The following P2RX1 variants were observed in gnomAD, a reference collection of about 807,000 sequenced individuals.
The protein encoded by P2RX1 is purinergic receptor P2X 1.
A neutral mutation model predicts 50.3 loss-of-function variants in P2RX1; 42 were observed. The ratio of observed to expected loss-of-function variants is 0.83; its 90% CI spans 0.65 to 1.08. The LOEUF is 1.08. Ranked by LOEUF, P2RX1 falls within the 50% of genes least tolerant of loss-of-function variation. The pLI is 0.00. For synonymous variants in P2RX1, 199 were observed against 202.6 expected, an observed-to-expected ratio of 0.98 and a Z score of 0.15; for missense variants, 449 against 529.0, an observed-to-expected ratio of 0.85 and a Z score of 1.48.
At chr17:3,908,758 C>T (rs555090591) in intron 1 of P2RX1, among the ~76,000 whole-genome samples, 1 of 152,282 alleles carries the variant, frequency 6.6e-6, no homozygotes, top group Non-Finnish European at 1.5e-5. Context: ...TCAGCAATCC[C>T]CCATCCTGGG....
chr17:3,901,050 T>C (rs545130335), intron 7 of P2RX1, among the ~76,000 whole-genome samples: 9 of 152,096 alleles, frequency 5.9e-5, no homozygotes, highest in African/African-American at 2.2e-4. Flanking sequence ...AGTTCCCAGT[T>C]GAAGATGGCA....
intron 7 of P2RX1, among the ~76,000 whole-genome samples, chr17:3,902,884 T>G (rs2056177119): frequency 6.6e-6 from 1 of 151,746 alleles, no homozygotes; most frequent in South Asian, 2.1e-4. Flanking sequence ...GCTGGGATTA[T>G]AGGCACGACC....
At chr17:3,905,018 C>G (rs1372631206) in intron 2 of P2RX1, 89 bp from the exon 3 acceptor site, 7 of 1,168,806 alleles carry the variant, frequency 6.0e-6, no homozygotes, top group Non-Finnish European at 1.2e-6. Context: ...GCAGAGGCCC[C>G]TAGAGCCCAC....
rs1056057018 is a variant in P2RX1 at position 3,903,109 on chromosome 17, G to A, written c.747+93C>T. 5.7e-5 allele frequency: 89 copies of A among 1,564,108 alleles called. 1 individual carries two copies. Among genetic ancestry groups the A allele is most frequent in the South Asian group, 1.7e-4 (15 of 88,764 alleles). On this transcript the variant is annotated intron_variant, in intron 7 of 11. Transcript: ENST00000225538. This position sits in a 1 kb window ranked among gnomAD's most constrained non-coding sequence, Gnocchi z 4.6. The stretch of plus-strand genomic sequence containing the variant: ...CCCATACATATACTCAGCCCTCACC[G>A]AGGAGACTTGGGAAGATGAACTGGG...
At position 3,903,507 on chromosome 17, in the gene P2RX1, G is replaced by GC; in HGVS notation, c.605+43dup. The GC allele has an allele frequency of 1.2e-6, 2 of 1,601,814 alleles. No homozygotes were observed. The highest frequency in any genetic ancestry group is 2.2e-5 in the South Asian group (2 of 90,778). On this transcript the variant is annotated intron_variant, in intron 6 of 11. Coordinates refer to ENST00000225538, the MANE Select transcript of P2RX1 (RefSeq NM_002558.4). The surrounding 1 kb of genome is among the most constrained non-coding windows in gnomAD (Gnocchi z 4.6). ...GAGACAGCTGAGAGCTGCCGGAGCGGCCCCGGCCAGCTGCCTGCATTTCTG... is the reference window on the plus strand; with the variant it reads ...GAGACAGCTGAGAGCTGCCGGAGCGGCCCCCGGCCAGCTGCCTGCATTTCTG...
Position 3,916,315 on chromosome 17 carries a change from G to T in P2RX1, c.-90C>A. On this transcript the variant is annotated 5_prime_UTR_variant, in exon 1 of 12. Coordinates refer to ENST00000225538, the MANE Select transcript of P2RX1 (RefSeq NM_002558.4). The stretch of plus-strand genomic sequence containing the variant: ...TGCCACCACCCACGTCGATGGTAGA[G>T]CTTCTGGGGGCTTCCTGGCCCCTTA... 7.1e-7 allele frequency: 1 copy of T among 1,417,182 alleles called. No homozygotes were observed. Among genetic ancestry groups the T allele is most frequent in the Non-Finnish European group, 9.7e-7 (1 of 1,026,762 alleles). The allele number at this position is 1,417,182 out of a possible 1,614,324, so 87.8% of individuals were successfully genotyped here.
intron 1 of P2RX1, among the ~76,000 whole-genome samples, chr17:3,915,057 G>C (rs146965668): frequency 2.5e-3 from 377 of 152,246 alleles, no homozygotes; most frequent in African/African-American, 8.7e-3. Flanking sequence ...TAGCAGTTCT[G>C]GTTCGGAACC....
Position 3,916,165 on chromosome 17 carries a change from T to C in P2RX1, c.61A>G (p.Met21Val), listed in dbSNP as rs772810160. 6.8e-6 allele frequency: 11 copies of C among 1,613,296 alleles called. No homozygotes were observed. The highest frequency in any genetic ancestry group is 9.3e-6 in the Non-Finnish European group (11 of 1,179,994). ...AFLFEYDTPR[M>V]VLVRNKKVGV... is the part of the protein sequence containing the mutation. ...ACCTTCTTATTACGCACCAGCACCATGCGGGGGGTGTCATACTCGAAGAGG... is the reference window on the plus strand; with the variant it reads ...ACCTTCTTATTACGCACCAGCACCACGCGGGGGGTGTCATACTCGAAGAGG... The change falls in exon 1 of 12, where the codon ATG becomes GTG. Residue 21 changes from methionine (M) to valine (V), a missense_variant. Physicochemically the swap from Met to Val is conservative, Grantham distance 21 (BLOSUM62 1). Transcript: ENST00000225538.
chr17:3,903,497 T>C lies in P2RX1; in HGVS notation c.605+54A>G. 2.5e-6 allele frequency: 4 copies of C among 1,597,934 alleles called. No individual in the cohort carries two copies. Among genetic ancestry groups the C allele is most frequent in the African/African-American group, 1.3e-5 (1 of 74,752 alleles). On this transcript the variant is annotated intron_variant, in intron 6 of 11. Coordinates refer to ENST00000225538, the MANE Select transcript of P2RX1 (RefSeq NM_002558.4). This position sits in a 1 kb window ranked among gnomAD's most constrained non-coding sequence, Gnocchi z 4.6. Reference sequence around the variant, plus strand: ...GAGGGAGACAGAGACAGCTGAGAGCTGCCGGAGCGGCCCCGGCCAGCTGCC... The same window carrying C: ...GAGGGAGACAGAGACAGCTGAGAGCCGCCGGAGCGGCCCCGGCCAGCTGCC...
Position 3,903,489 on chromosome 17 carries a change from C to G in P2RX1, c.605+62G>C. ...CAGGAATGGAGGGAGACAGAGACAGCTGAGAGCTGCCGGAGCGGCCCCGGC... is the reference window on the plus strand; with the variant it reads ...CAGGAATGGAGGGAGACAGAGACAGGTGAGAGCTGCCGGAGCGGCCCCGGC... On this transcript the variant is annotated intron_variant, in intron 6 of 11. Coordinates refer to ENST00000225538, the MANE Select transcript of P2RX1 (RefSeq NM_002558.4). The surrounding 1 kb of genome is among the most constrained non-coding windows in gnomAD (Gnocchi z 4.6). The G allele has an allele frequency of 6.3e-7, 1 of 1,596,486 alleles. No homozygotes were observed. Among genetic ancestry groups the G allele is most frequent in the Non-Finnish European group, 8.6e-7 (1 of 1,165,096 alleles).
chr17:3,914,133 C>T lies in P2RX1; in HGVS notation c.137+1956G>A, dbSNP rs967511423. ...CTTCCTTCCACCCTCTGCTGTGTGA[C>T]GTGGGCAGGCCAGTGCCCTCTCTCT... On this transcript the variant is annotated intron_variant, in intron 1 of 11. Coordinates refer to ENST00000225538, the MANE Select transcript of P2RX1 (RefSeq NM_002558.4). This position sits in a 1 kb window ranked among gnomAD's most constrained non-coding sequence, Gnocchi z 4.1. Among the ~76,000 whole-genome samples the T allele has an allele frequency of 1.3e-5, 2 of 152,118 alleles. No homozygotes were observed. The highest frequency in any genetic ancestry group is 2.4e-5 in the African/African-American group (1 of 41,430).
At position 3,903,885 on chromosome 17, in the gene P2RX1, C is replaced by A. The variant is rs938107663; in HGVS notation, c.524+43G>T. The stretch of plus-strand genomic sequence containing the variant: ...TAGACCTAGGCCCCCCTCTGTCTGG[C>A]CTGGGACCCTGTTCTTAGCTCTCTG... On this transcript the variant is annotated intron_variant, in intron 5 of 11. Coordinates refer to ENST00000225538, the MANE Select transcript of P2RX1 (RefSeq NM_002558.4). The surrounding 1 kb of genome is among the most constrained non-coding windows in gnomAD (Gnocchi z 4.6). 1 of 1,514,398 alleles carries A rather than the reference C, an allele frequency of 6.6e-7. No individual in the cohort carries two copies. The highest frequency in any genetic ancestry group is 9.2e-7 in the Non-Finnish European group (1 of 1,089,120). The allele number at this position is 1,514,398 out of a possible 1,614,324, so 93.8% of individuals were successfully genotyped here. A position where few individuals can be genotyped will look rare whatever the true frequency, so the allele number is the denominator to read the frequency against.
At chr17:3,902,557 A>G (rs2056169569) in intron 7 of P2RX1, among the ~76,000 whole-genome samples, 1 of 151,774 alleles carries the variant, frequency 6.6e-6, no homozygotes, top group Admixed American at 6.6e-5. Flanking sequence ...TGGCCTCTCA[A>G]AGTGCTGGGA....
At position 3,899,059 on chromosome 17, in the gene P2RX1, G is replaced by A. The variant is rs370596965; in HGVS notation, c.876-35C>T. 1,234 of 1,465,178 alleles carry A rather than the reference G, an allele frequency of 8.4e-4. 2 individuals carry two copies. Among genetic ancestry groups the A allele is most frequent in the Non-Finnish European group, 1.1e-3 (1,165 of 1,045,122 alleles). 90.8% of individuals were successfully genotyped at this position (1,465,178 alleles called of 1,614,324 possible). A position where few individuals can be genotyped will look rare whatever the true frequency, so the allele number is the denominator to read the frequency against. ...GGGATGAGGTGGCAGGAGGGTGATG[G>A]AGGGGACTGTCTTGGGTCTGGAGTT... On this transcript the variant is annotated intron_variant, in intron 8 of 11. Coordinates refer to ENST00000225538, the MANE Select transcript of P2RX1 (RefSeq NM_002558.4).
At position 3,906,374 on chromosome 17, in the gene P2RX1, G is replaced by A. The variant is rs185410550; in HGVS notation, c.138-1007C>T. On this transcript the variant is annotated intron_variant, in intron 1 of 11. Transcript: ENST00000225538. ...TCTCGATCTCTTGACCTAGTGATCC[G>A]CCCGCCTCGGCCTCCCAAAGTGCTG... 2.0e-3 allele frequency among the ~76,000 whole-genome samples: 302 copies of A among 152,214 alleles called. 3 individuals carry two copies. The highest frequency in any genetic ancestry group is 6.9e-3 in the African/African-American group (287 of 41,532).
chr17:3,901,354 A>C (rs1045733435), intron 7 of P2RX1, among the ~76,000 whole-genome samples: 3 of 152,242 alleles, frequency 2.0e-5, no homozygotes, highest in East Asian at 3.8e-4. Context: ...GGCGTGAGCC[A>C]CCGCACCCAG....
intron 3 of P2RX1, 97 bp downstream of exon 3, chr17:3,904,761 C>A: frequency 1.1e-6 from 1 of 927,028 alleles, no homozygotes; most frequent in Non-Finnish European, 1.7e-6. Flanking sequence ...CTGCAGGAAG[C>A]CTCTCTGGCT....
rs2056085019 is a variant in P2RX1, at chr17:3,898,993, T to A, written c.907A>T (p.Asn303Tyr). 1 of 1,613,274 alleles carries A rather than the reference T, an allele frequency of 6.2e-7. No individual in the cohort carries two copies. Among genetic ancestry groups the A allele is most frequent in the African/African-American group, 1.3e-5 (1 of 74,712 alleles). ...AACACCTTGAAGAGGTGACGGTAGT[T>A]GGTCCCGTTCTCCACAAAGTGCCTG... is the stretch of plus-strand genomic sequence containing the variant. ...FARHFVENGT[N>Y]YRHLFKVFGI... is the part of the protein sequence containing the mutation. Residue 303 changes from asparagine (N) to tyrosine (Y), a missense_variant, in exon 9 of 12, where the codon AAC (asparagine) becomes TAC (tyrosine). Asn to Tyr is a moderately radical substitution (Grantham distance 143). Coordinates refer to ENST00000225538, the MANE Select transcript of P2RX1 (RefSeq NM_002558.4).
intron 7 of P2RX1, among the ~76,000 whole-genome samples, chr17:3,902,890 C>T (rs545918797): frequency 2.6e-5 from 4 of 151,886 alleles, no homozygotes; most frequent in African/African-American, 7.2e-5. Flanking sequence ...ATTATAGGCA[C>T]GACCCTCCGC....
Sources: gnomAD v4.1 joint callset for allele counts (sites outside exome capture counted in the v4.1 genomes callset) on GRCh38, gnomAD v4.1.1 for gene constraint, Gnocchi (gnomAD v3.1) non-coding constraint, MANE v1.5 for transcripts, NCBI Gene and HGNC (gene_info 2026-07-23, HGNC 2026-07-21) for gene names.